Variants in EIPR1 observed in about 807,000 individuals in gnomAD.
The protein encoded by EIPR1 is EARP complex and GARP complex interacting protein 1, also known as EARP and GARP complex-interacting protein 1.
In EIPR1, 25 loss-of-function variants were observed where a neutral mutation model predicts 48.1. The ratio of observed to expected loss-of-function variants is 0.52; its 90% CI spans 0.38 to 0.73. EIPR1 has a LOEUF of 0.73. Ranked by LOEUF, EIPR1 falls within the 30% of genes least tolerant of loss-of-function variation. The pLI is 0.00. For synonymous variants in EIPR1, 204 were observed against 201.9 expected, an observed-to-expected ratio of 1.01 and a Z score of -0.09; for missense variants, 415 against 506.2, an observed-to-expected ratio of 0.82 and a Z score of 1.73.
intron 2 of EIPR1, among the ~76,000 whole-genome samples, chr2:3,342,534 C>A (rs776622551): frequency 6.6e-6 from 1 of 152,256 alleles, no homozygotes; most frequent in Non-Finnish European, 1.5e-5. Flanking sequence ...GCTGGCCCCT[C>A]GGCCTGGCTG....
chr2:3,339,912 C>T (rs377606978), intron 2 of EIPR1, among the ~76,000 whole-genome samples: 39 of 152,184 alleles, frequency 2.6e-4, no homozygotes, highest in African/African-American at 6.5e-4. Flanking sequence ...ATGGCGCCAC[C>T]GCACTCCAGC....
At chr2:3,219,919 G>C (rs1665820643) in intron 4 of EIPR1, among the ~76,000 whole-genome samples, 1 of 152,218 alleles carries the variant, frequency 6.6e-6, no homozygotes, top group Non-Finnish European at 1.5e-5. Context: ...TATCCTGTTA[G>C]GAACTAGGCC....
chr2:3,215,733 C>A (rs1401246896), intron 4 of EIPR1, among the ~76,000 whole-genome samples: 2 of 152,160 alleles, frequency 1.3e-5, no homozygotes, highest in Non-Finnish European at 2.9e-5. Flanking sequence ...ATTGGGGGCA[C>A]CCTCAAGCAT....
intron 5 of EIPR1, among the ~76,000 whole-genome samples, chr2:3,203,238 C>T (rs1454640376): frequency 1.3e-5 from 2 of 152,160 alleles, no homozygotes; most frequent in East Asian, 1.9e-4. Flanking sequence ...TAATAACGTA[C>T]GTTGAGAGGG....
At chr2:3,257,504 C>T (rs756994718) in intron 3 of EIPR1, 49 bp from the exon 4 acceptor site, 21 of 1,597,934 alleles carry the variant, frequency 1.3e-5, no homozygotes, top group Admixed American at 5.1e-5. Flanking sequence ...CGGTGTGCCC[C>T]GCATTCTGCA....
At chr2:3,221,898 T>C (rs1665906573) in intron 4 of EIPR1, among the ~76,000 whole-genome samples, 1 of 152,242 alleles carries the variant, frequency 6.6e-6, no homozygotes, top group Admixed American at 6.5e-5. Flanking sequence ...CAGACAGCTC[T>C]GGGACACATT....
intron 1 of EIPR1, among the ~76,000 whole-genome samples, chr2:3,376,803 G>C (rs765474907): frequency 6.6e-6 from 1 of 151,734 alleles, no homozygotes; most frequent in Non-Finnish European, 1.5e-5. Context: ...CTCTCTATCT[G>C]TCCCTCAGTG....
chr2:3,311,089 C>T (rs931537047), intron 3 of EIPR1, among the ~76,000 whole-genome samples: 13 of 152,138 alleles, frequency 8.5e-5, no homozygotes, highest in Admixed American at 7.2e-4. Context: ...TATCACATTG[C>T]AATAGCTTGA....
intron 5 of EIPR1, among the ~76,000 whole-genome samples, chr2:3,202,083 G>A (rs906475569): frequency 1.2e-4 from 19 of 152,130 alleles, no homozygotes; most frequent in South Asian, 6.2e-4. Flanking sequence ...GACTACAGGC[G>A]CCCGCCACCA....
chr2:3,269,327 A>AGTC (rs1667602466), intron 3 of EIPR1, among the ~76,000 whole-genome samples: 1 of 96,992 alleles, frequency 1.0e-5, no homozygotes, highest in African/African-American at 4.3e-5. Flanking sequence ...CATCGCACTC[A>AGTC]ATCATCATCA....
In EIPR1 at chr2:3,189,547, C is replaced by T. The variant is rs766772868; in HGVS notation, c.990-39G>A. On this transcript the variant is annotated intron_variant, in intron 8 of 8. Transcript: ENST00000382125. This position sits in a 1 kb window ranked among gnomAD's most constrained non-coding sequence, Gnocchi z 4.6. ...GAGGCAGACGTGAGCGCAGCAGCTC[C>T]GGCGGGGCGGGCAGGAGAGGGGCAG... 1.6e-5 allele frequency: 24 copies of T among 1,493,486 alleles called. No individual in the cohort carries two copies. The highest frequency in any genetic ancestry group is 7.8e-5 in the South Asian group (6 of 77,214). The allele number at this position is 1,493,486 out of a possible 1,614,324, so 92.5% of individuals were successfully genotyped here.
chr2:3,306,014 TC>T (rs1282711298), intron 3 of EIPR1, among the ~76,000 whole-genome samples: 1 of 152,190 alleles, frequency 6.6e-6, no homozygotes, highest in East Asian at 1.9e-4. Flanking sequence ...GTCACTTGGG[TC>T]TGAGCCCACT....
chr2:3,296,105 T>TCTAC (rs1558280974), intron 3 of EIPR1, among the ~76,000 whole-genome samples: 6 of 91,964 alleles, frequency 6.5e-5, no homozygotes, highest in East Asian at 3.7e-4. Flanking sequence ...CCATCCTCTC[T>TCTAC]ACACACACAC....
chr2:3,279,525 A>G lies in EIPR1; in HGVS notation c.260-22070T>C, dbSNP rs1408522902. ...GTGTCACTTACAATCCCTAAGCCTC[A>G]GTCTCCCCAGCTGCAAAATGTAGAC... On this transcript the variant is annotated intron_variant, in intron 3 of 8. Coordinates refer to ENST00000382125, the MANE Select transcript of EIPR1 (RefSeq NM_003310.5). 2.6e-5 allele frequency among the ~76,000 whole-genome samples: 4 copies of G among 152,314 alleles called. No homozygotes were observed. The East Asian group carries it at 7.7e-4, about 29-fold the overall frequency.
At chr2:3,246,854 A>AG (rs1666822896) in intron 4 of EIPR1, among the ~76,000 whole-genome samples, 1 of 57,522 alleles carries the variant, frequency 1.7e-5, no homozygotes, top group Non-Finnish European at 3.4e-5. Flanking sequence ...GGAGGGAAGG[A>AG]GGAAGGGAGG....
In EIPR1 at chr2:3,338,009, G is replaced by A. The variant is rs200591715; in HGVS notation, c.259+8C>T. On this transcript the variant is annotated splice_region_variant and intron_variant, in intron 3 of 8. Transcript: ENST00000382125. ...AGTTAGCAAGTACCTTAGAAAAGCC[G>A]CACTTACTTCTGTTGTAGCAGGTCG... 3,903 of 1,585,456 alleles carry A rather than the reference G, an allele frequency of 2.5e-3. 9 individuals are homozygous for A. Among genetic ancestry groups the A allele is most frequent in the Non-Finnish European group, 3.1e-3 (3,631 of 1,171,640 alleles).
intron 2 of EIPR1, among the ~76,000 whole-genome samples, chr2:3,338,931 C>G (rs1197364630): frequency 2.0e-5 from 3 of 152,204 alleles, no homozygotes; most frequent in East Asian, 1.9e-4. Flanking sequence ...ATTCATGGGT[C>G]TACACAAAAG....
rs371556081 is a variant in EIPR1 at position 3,268,384 on chromosome 2, C to T, written c.260-10929G>A. Among the ~76,000 whole-genome samples, 12 of 152,282 alleles carry T rather than the reference C, an allele frequency of 7.9e-5. No homozygotes were observed. In the East Asian group the frequency reaches 1.7e-3, roughly 22 times the overall value. On this transcript the variant is annotated intron_variant, in intron 3 of 8. Coordinates refer to ENST00000382125, the MANE Select transcript of EIPR1 (RefSeq NM_003310.5). ...TGCACTCCAGAGGGCAGCCTCCTGC[C>T]AATCCAGCGACTGTGGACCAGCTCC... is the stretch of plus-strand genomic sequence containing the variant.
At chr2:3,193,904 A>G (rs1304118701) in intron 7 of EIPR1, 95 bp downstream of exon 7, 2 of 1,430,160 alleles carry the variant, frequency 1.4e-6, no homozygotes, top group African/African-American at 1.4e-5. Flanking sequence ...CAGCAGCACA[A>G]ACTAAGCTGG....
Sources: allele counts gnomAD v4.1 joint callset (sites outside exome capture counted in the v4.1 genomes callset), GRCh38; gene constraint gnomAD v4.1.1; non-coding constraint Gnocchi (gnomAD v3.1); transcripts MANE v1.5; gene names NCBI Gene and HGNC (gene_info 2026-07-23, HGNC 2026-07-21).